The following UTRN variants were observed in gnomAD, a reference collection of about 807,000 sequenced individuals.
UTRN encodes the protein utrophin, also known as dystrophin-related protein 1.
In UTRN, 283 loss-of-function variants were observed where a neutral mutation model predicts 463.9. That is an observed-to-expected ratio of 0.61 (90% CI 0.55 to 0.67). The LOEUF (loss-of-function observed/expected upper bound fraction) is 0.67, where lower values mean the gene tolerates loss of function less well. Ranked by LOEUF, UTRN falls within the 30% of genes least tolerant of loss-of-function variation. The probability of loss-of-function intolerance (pLI) is 0.00; values close to 1 mark genes in which losing one functional copy is unlikely to be tolerated. For synonymous variants in UTRN, 1,442 were observed against 1,431.5 expected, an observed-to-expected ratio of 1.01 and a Z score of -0.17; for missense variants, 3,922 against 4,084.3, an observed-to-expected ratio of 0.96 and a Z score of 1.08.
intron 2 of UTRN, among the ~76,000 whole-genome samples, chr6:144,298,461 C>G (rs1425317443): frequency 6.6e-6 from 1 of 152,036 alleles, no homozygotes; most frequent in South Asian, 2.1e-4. Flanking sequence ...TGGGGCTCTT[C>G]TATCAGAAGC....
chr6:144,503,135 T>C (rs1391799358), intron 34 of UTRN, among the ~76,000 whole-genome samples: 1 of 152,218 alleles, frequency 6.6e-6, no homozygotes, highest in East Asian at 1.9e-4. Flanking sequence ...AATTTCCTTG[T>C]AGATTCAGGA....
rs1436729459 is a variant in UTRN at position 144,748,275 on chromosome 6, A to G, written c.7969A>G (p.Ile2657Val). ...AACTCCTGAGGAGAGAGCCCAAAAG[A>G]TTGCCAAAGCCATGCGCAAACAGTC... Reference protein sequence around the residue: ...ELTPEERAQKIAKAMRKQSSE... With the variant: ...ELTPEERAQKVAKAMRKQSSE... The change falls in exon 55 of 75, where the codon ATT becomes GTT. Residue 2657 changes from isoleucine to valine, a missense_variant. Physicochemically the swap from Ile to Val is conservative, Grantham distance 29. Coordinates refer to ENST00000367545, the MANE Select transcript of UTRN (RefSeq NM_007124.3). 3 of 1,612,444 alleles carry G rather than the reference A, an allele frequency of 1.9e-6. No individual in the cohort carries two copies. In the South Asian group the frequency reaches 3.3e-5, roughly 18 times the overall value.
At chr6:144,774,592 C>A (rs1562892819) in intron 60 of UTRN, among the ~76,000 whole-genome samples, 1 of 152,104 alleles carries the variant, frequency 6.6e-6, no homozygotes, top group Non-Finnish European at 1.5e-5. Flanking sequence ...TTAACCAAAA[C>A]ACAGGAGTAA....
intron 48 of UTRN, among the ~76,000 whole-genome samples, chr6:144,554,326 G>A (rs1470246416): frequency 6.6e-6 from 1 of 152,178 alleles, no homozygotes; most frequent in African/African-American, 2.4e-5. Flanking sequence ...ATGAAGTACT[G>A]TTAAACCCTA....
rs540895458 is a variant in UTRN, at chr6:144,503,939, TCTC to T, written c.4764+4515_4764+4517del. Among the ~76,000 whole-genome samples, 978 of 152,336 alleles carry T rather than the reference TCTC, an allele frequency of 6.4e-3. 15 individuals are homozygous for T. The highest frequency in any genetic ancestry group is 0.022 in the African/African-American group (900 of 41,572). On this transcript the variant is annotated intron_variant, in intron 34 of 74. Coordinates refer to ENST00000367545, the MANE Select transcript of UTRN (RefSeq NM_007124.3). ...ATTTCATTGAGCAGTGGTTTGTAGT[TCTC>T]CTTGAAGAGCTCCTTCACATCCCTT... is the stretch of plus-strand genomic sequence containing the variant.
intron 46 of UTRN, among the ~76,000 whole-genome samples, chr6:144,543,962 C>G (rs370169174): frequency 7.9e-5 from 12 of 152,132 alleles, no homozygotes; most frequent in African/African-American, 2.7e-4. Flanking sequence ...CATTTGGGTA[C>G]TGCTGCTTTG....
At chr6:144,636,248 A>T (rs1179418412) in intron 51 of UTRN, among the ~76,000 whole-genome samples, 1 of 152,196 alleles carries the variant, frequency 6.6e-6, no homozygotes, top group African/African-American at 2.4e-5. Flanking sequence ...GCAAGGACAT[A>T]GATGAAGCTG....
chr6:144,715,335 C>T (rs1463245714), intron 53 of UTRN, among the ~76,000 whole-genome samples: 3 of 152,088 alleles, frequency 2.0e-5, no homozygotes, highest in Non-Finnish European at 4.4e-5. Flanking sequence ...CTGAATCTAC[C>T]ACCTGTGACA....
intron 45 of UTRN, among the ~76,000 whole-genome samples, chr6:144,539,921 T>C (rs1002245919): frequency 4.0e-5 from 6 of 151,366 alleles, no homozygotes; most frequent in Admixed American, 3.3e-4. Context: ...CACACGCCTG[T>C]AATCGCAGCT....
rs191754698 is a variant in UTRN at position 144,587,817 on chromosome 6, C to G, written c.7479+10529C>G. Reference sequence around the variant, plus strand: ...GATTCCCTCAGTTTCTCTCAATAACCAACTCATACATAGATTGTTTGAACC... The same window carrying G: ...GATTCCCTCAGTTTCTCTCAATAACGAACTCATACATAGATTGTTTGAACC... On this transcript the variant is annotated intron_variant, in intron 51 of 74. Transcript: ENST00000367545. Among the ~76,000 whole-genome samples, 76 of 152,156 alleles carry G rather than the reference C, an allele frequency of 5.0e-4. No individual in the cohort carries two copies. In the East Asian group the frequency reaches 0.012, roughly 24 times the overall value.
At chr6:144,824,600 A>C (rs531965083) in intron 66 of UTRN, among the ~76,000 whole-genome samples, 2,008 of 40,674 alleles carry the variant, frequency 0.049, 116 homozygotes, top group African/African-American at 0.2. Context: ...ATATATATAT[A>C]TATATATATA....
chr6:144,401,865 C>T (rs773432362), intron 2 of UTRN, among the ~76,000 whole-genome samples: 8 of 152,164 alleles, frequency 5.3e-5, no homozygotes, highest in Non-Finnish European at 1.0e-4. Context: ...GGGCCAAGCA[C>T]ACCTGGGCTT....
At chr6:144,795,049 G>A (rs1385139158) in intron 63 of UTRN, among the ~76,000 whole-genome samples, 2 of 152,242 alleles carry the variant, frequency 1.3e-5, no homozygotes, top group Non-Finnish European at 1.5e-5. Flanking sequence ...AGGCCCCAGT[G>A]TGTGATGTTC....
At chr6:144,376,455 A>G (rs1780475300) in intron 2 of UTRN, among the ~76,000 whole-genome samples, 1 of 144,758 alleles carries the variant, frequency 6.9e-6, no homozygotes, top group Non-Finnish European at 1.6e-5. Flanking sequence ...CTCTGTCTCA[A>G]AAAAAAAAAA....
At chr6:144,755,357 A>G (rs181685027) in intron 57 of UTRN, among the ~76,000 whole-genome samples, 1 of 152,316 alleles carries the variant, frequency 6.6e-6, no homozygotes, top group Admixed American at 6.5e-5. Flanking sequence ...TGGAATTGAT[A>G]AATTTATGGA....
chr6:144,288,899 G>A (rs1399690035), intron 1 of UTRN, among the ~76,000 whole-genome samples: 1 of 152,082 alleles, frequency 6.6e-6, no homozygotes, highest in East Asian at 1.9e-4. Context: ...GAGTAGCTGG[G>A]ATTACAGGTG....
chr6:144,451,375 A>G lies in UTRN; in HGVS notation c.2078A>G (p.Asp693Gly), dbSNP rs1360408660. 3.7e-6 allele frequency: 6 copies of G among 1,612,468 alleles called. No individual in the cohort carries two copies. The highest frequency in any genetic ancestry group is 5.1e-6 in the Non-Finnish European group (6 of 1,179,450). The change falls in exon 18 of 75, where the codon GAT (aspartate) becomes GGT (glycine). Residue 693 changes from aspartate to glycine, a missense_variant. By Grantham distance (94) the Asp-to-Gly change is moderately conservative. Around this residue, in one of 3 missense-constraint regions of UTRN, gnomAD observed 2,349 missense variants for 2,303.8 expected, o/e 1.02. Coordinates refer to ENST00000367545, the MANE Select transcript of UTRN (RefSeq NM_007124.3). Reference sequence around the variant, plus strand: ...ACCTCTGAATCTTCAAACAGGTTTGATGCTATAAGTGCAGAGCTGTTGAAC... The same window carrying G: ...ACCTCTGAATCTTCAAACAGGTTTGGTGCTATAAGTGCAGAGCTGTTGAAC... ...HVDIEAKKKF[D>G]AISAELLNWI...
At chr6:144,424,215 A>C in intron 6 of UTRN, 137 bp downstream of exon 6, 5 of 888,800 alleles carry the variant, frequency 5.6e-6, no homozygotes, top group Non-Finnish European at 8.6e-6. Context: ...CCAGTTCTGG[A>C]GGCCAGAAGT....
chr6:144,467,073 C>T (rs1400730629), intron 23 of UTRN, among the ~76,000 whole-genome samples: 3 of 152,212 alleles, frequency 2.0e-5, no homozygotes, highest in Non-Finnish European at 2.9e-5. Context: ...TACCAAGTGC[C>T]ATTAATACAA....
Sources: gnomAD v4.1 joint callset for allele counts (sites outside exome capture counted in the v4.1 genomes callset) on GRCh38, gnomAD v4.1.1 for gene constraint, gnomAD v4.1.1 regional missense constraint, MANE v1.5 for transcripts, NCBI Gene and HGNC (gene_info 2026-07-23, HGNC 2026-07-21) for gene names.